Variants in NUP153 observed in about 807,000 individuals in gnomAD.
The protein encoded by NUP153 is nucleoporin 153.
In NUP153, 27 loss-of-function variants were observed where a neutral mutation model predicts 134.6. That is an observed-to-expected ratio of 0.20 (90% CI 0.15 to 0.28). NUP153 has a LOEUF of 0.28. Among genes scored for constraint, NUP153 ranks in the 10% least tolerant of loss-of-function variants. The probability of loss-of-function intolerance (pLI) is 1.00; values close to 1 mark genes in which losing one functional copy is unlikely to be tolerated. For missense variants in NUP153, 1,821 were observed against 1,731.3 expected (o/e 1.05, Z -0.92); for synonymous variants, 640 against 623.5 (o/e 1.03, Z -0.40).
intron 13 of NUP153, among the ~76,000 whole-genome samples, chr6:17,646,523 T>C (rs1300683050): frequency 1.3e-5 from 2 of 152,044 alleles, no homozygotes; most frequent in African/African-American, 4.8e-5. Context: ...AGAGGTTATT[T>C]TTATCCCAAG....
At chr6:17,616,250 C>T in intron 21 of NUP153, 69 bp from the exon 22 acceptor site, 1 of 966,892 alleles carries the variant, frequency 1.0e-6, no homozygotes, top group Non-Finnish European at 1.6e-6. Flanking sequence ...CTAACATTTA[C>T]CATGAGCAGC....
chr6:17,705,892 G>A (rs1181639539), intron 1 of NUP153, among the ~76,000 whole-genome samples: 2 of 152,030 alleles, frequency 1.3e-5, no homozygotes, highest in African/African-American at 4.8e-5. Context: ...CAAGTATAAG[G>A]GCCATCAACC....
intron 1 of NUP153, among the ~76,000 whole-genome samples, chr6:17,698,250 A>G (rs1769795630): frequency 6.6e-6 from 1 of 152,210 alleles, no homozygotes; most frequent in African/African-American, 2.4e-5. Flanking sequence ...AGGCTTATAA[A>G]ATACAACCAA....
At chr6:17,681,699 C>G (rs1197825926) in intron 2 of NUP153, among the ~76,000 whole-genome samples, 1 of 152,202 alleles carries the variant, frequency 6.6e-6, no homozygotes, top group African/African-American at 2.4e-5. Context: ...TATCTGCAAT[C>G]AGGATTTACA....
chr6:17,668,328 C>T (rs1767675688), intron 8 of NUP153, among the ~76,000 whole-genome samples: 1 of 151,856 alleles, frequency 6.6e-6, no homozygotes, highest in African/African-American at 2.4e-5. Flanking sequence ...GATCCACTGG[C>T]CTGGGCCTCC....
In NUP153 at chr6:17,675,832, GT is replaced by G; in HGVS notation, c.335-63del. On this transcript the variant is annotated intron_variant, in intron 2 of 21. Coordinates refer to ENST00000262077, the MANE Select transcript of NUP153 (RefSeq NM_005124.4). The surrounding 1 kb of genome is among the most constrained non-coding windows in gnomAD (Gnocchi z 4.4). ...TTAGAGCGATACACTACCACAAATG[GT>G]TTTTACTTTAAGAAAACACATTACA... 6.6e-7 allele frequency: 1 copy of G among 1,517,114 alleles called. No individual in the cohort carries two copies. Among genetic ancestry groups the G allele is most frequent in the South Asian group, 1.1e-5 (1 of 88,102 alleles). 94.0% of individuals were successfully genotyped at this position (1,517,114 alleles called of 1,614,324 possible).
chr6:17,616,725 T>C, intron 20 of NUP153, 30 bp from the exon 21 acceptor site: 2 of 1,584,836 alleles, frequency 1.3e-6, no homozygotes, highest in Non-Finnish European at 8.6e-7. Context: ...AATACTTCAT[T>C]AGGGCAAAAT....
chr6:17,694,204 A>G (rs1220678904), intron 1 of NUP153, among the ~76,000 whole-genome samples: 1 of 152,204 alleles, frequency 6.6e-6, no homozygotes, highest in Non-Finnish European at 1.5e-5. Flanking sequence ...TTAATGCTTG[A>G]CATGTGGTAT....
rs143450543 is a variant in NUP153, at chr6:17,629,526, A to G, written c.2673T>C (p.Ser891=). The change falls in exon 18 of 22, where the codon TCT becomes TCC. Residue 891 remains serine, a synonymous_variant. Coordinates refer to ENST00000262077, the MANE Select transcript of NUP153 (RefSeq NM_005124.4). ...AGGCTGCTGAGTTCGAAGATGAGGA[A>G]GATGTGTCAAAGCCTACAAAAATAT... is the stretch of plus-strand genomic sequence containing the variant. The part of the protein sequence containing the change: ...TKSGFKGFDT[S]SSSSNSAASS... The G allele has an allele frequency of 6.3e-7, 1 of 1,594,468 alleles. No homozygotes were observed. The highest frequency in any genetic ancestry group is 8.5e-7 in the Non-Finnish European group (1 of 1,174,468).
intron 1 of NUP153, among the ~76,000 whole-genome samples, chr6:17,691,291 A>C (rs906210746): frequency 4.6e-5 from 7 of 152,228 alleles, no homozygotes; most frequent in African/African-American, 1.7e-4. Context: ...CTACTGAACA[A>C]CACCAATTCA....
chr6:17,617,735 C>A (rs1162755305), intron 20 of NUP153, among the ~76,000 whole-genome samples: 1 of 152,014 alleles, frequency 6.6e-6, no homozygotes, highest in Non-Finnish European at 1.5e-5. Context: ...ATCCCAGCTA[C>A]TCAGGAGGCT....
At chr6:17,701,542 G>T (rs1770073267) in intron 1 of NUP153, among the ~76,000 whole-genome samples, 1 of 149,696 alleles carries the variant, frequency 6.7e-6, no homozygotes, top group African/African-American at 2.5e-5. Flanking sequence ...CGTGCCTGTA[G>T]TCCCAGCTAC....
At chr6:17,702,400 C>T (rs904317807) in intron 1 of NUP153, among the ~76,000 whole-genome samples, 2 of 152,074 alleles carry the variant, frequency 1.3e-5, no homozygotes, top group African/African-American at 4.8e-5. Flanking sequence ...CCCAGCTACT[C>T]GGGAGGCTGA....
At position 17,637,854 on chromosome 6, in the gene NUP153, G is replaced by A. The variant is rs545021688; in HGVS notation, c.1847-84C>T. On this transcript the variant is annotated intron_variant, in intron 15 of 21. Coordinates refer to ENST00000262077, the MANE Select transcript of NUP153 (RefSeq NM_005124.4). ...ATTTGATTATTATTACTGAGAAGACGTTTACCTCACTGCACACTTACTACA... is the reference window on the plus strand; with the variant it reads ...ATTTGATTATTATTACTGAGAAGACATTTACCTCACTGCACACTTACTACA... The A allele has an allele frequency of 9.9e-6, 14 of 1,412,140 alleles. No individual in the cohort carries two copies. The East Asian group carries it at 1.9e-4, about 19-fold the overall frequency. The allele number at this position is 1,412,140 out of a possible 1,614,324, so 87.5% of individuals were successfully genotyped here. A position where few individuals can be genotyped will look rare whatever the true frequency, so the allele number is the denominator to read the frequency against.
chr6:17,642,930 C>T (rs1765925491), intron 14 of NUP153, among the ~76,000 whole-genome samples: 1 of 152,178 alleles, frequency 6.6e-6, no homozygotes, highest in Admixed American at 6.5e-5. Context: ...TACGAAGCCA[C>T]ATTGTATGAT....
chr6:17,645,783 T>C (rs1238567773), intron 14 of NUP153, among the ~76,000 whole-genome samples: 1 of 152,196 alleles, frequency 6.6e-6, no homozygotes, highest in East Asian at 1.9e-4. Flanking sequence ...TATAACTAAC[T>C]TGTCACCTTG....
chr6:17,619,448 T>C (rs1054985314), intron 20 of NUP153: 1 of 151,242 alleles, frequency 6.6e-6, no homozygotes, highest in African/African-American at 2.4e-5. Flanking sequence ...TAAAAAGAGG[T>C]TTCCCAAGAG....
chr6:17,633,759 C>G (rs1765379890), intron 16 of NUP153, among the ~76,000 whole-genome samples: 1 of 152,178 alleles, frequency 6.6e-6, no homozygotes, highest in Admixed American at 6.6e-5. Flanking sequence ...TCCTACTTCT[C>G]TAGATGGCCT....
intron 1 of NUP153, among the ~76,000 whole-genome samples, chr6:17,702,705 C>T (rs1408326479): frequency 1.3e-5 from 2 of 151,958 alleles, no homozygotes; most frequent in African/African-American, 4.8e-5. Context: ...AGAAAAATGA[C>T]ACCATTTCCT....
Sources: gnomAD v4.1 joint callset for allele counts (sites outside exome capture counted in the v4.1 genomes callset) on GRCh38, gnomAD v4.1.1 for gene constraint, Gnocchi (gnomAD v3.1) non-coding constraint, MANE v1.5 for transcripts, NCBI Gene and HGNC (gene_info 2026-07-23, HGNC 2026-07-21) for gene names.